Variants in MAP7 observed in about 807,000 individuals in gnomAD.
The protein encoded by MAP7 is microtubule associated protein 7, also known as ensconsin.
Under a neutral mutation model 94.8 loss-of-function variants are expected in MAP7, and 52 were observed. That is an observed-to-expected ratio of 0.55 (90% CI 0.44 to 0.69). The LOEUF (loss-of-function observed/expected upper bound fraction) is 0.69, where lower values mean the gene tolerates loss of function less well. Among genes scored for constraint, MAP7 ranks in the 30% least tolerant of loss-of-function variants. The pLI is 0.00. For missense variants in MAP7, 940 were observed against 964.6 expected (o/e 0.97, Z 0.34); for synonymous variants, 350 against 357.0 (o/e 0.98, Z 0.22).
chr6:136,400,372 C>T (rs1483984719), intron 3 of MAP7, among the ~76,000 whole-genome samples: 12 of 149,558 alleles, frequency 8.0e-5, no homozygotes, highest in Non-Finnish European at 1.2e-4. Flanking sequence ...GCCAAGATTG[C>T]GCTACTGCAC....
intron 1 of MAP7, among the ~76,000 whole-genome samples, chr6:136,423,780 G>A (rs1199176009): frequency 8.7e-5 from 1 of 11,478 alleles, no homozygotes; most frequent in African/African-American, 5.3e-4. Context: ...ACAGGGAGTT[G>A]TGTTTTTTTT....
At position 136,493,444 on chromosome 6, in the gene MAP7, G is replaced by T. The variant is rs191773415; in HGVS notation, c.67+56898C>A. Among the ~76,000 whole-genome samples the T allele has an allele frequency of 1.4e-4, 21 of 150,944 alleles. No individual in the cohort carries two copies. The East Asian group carries it at 3.5e-3, about 25-fold the overall frequency. ...GCTTCTTCTTTCCTTTTTTAAAGAG[G>T]TCTCACTCTGTCCCCTAGGCTGGAG... On this transcript the variant is annotated intron_variant, in intron 1 of 17. Transcript: ENST00000354570.
At position 136,361,098 on chromosome 6, in the gene MAP7, G is replaced by C. The variant is rs150702987; in HGVS notation, c.1608C>G (p.Ala536=). ...GCTCCTCCTTCTCCCGGGCCTGCTC[G>C]GCTTCCAGCCTGCGCGACTCCTCCT... ...RREEESRRLE[A]EQAREKEEQL... The change falls in exon 12 of 18, where the codon GCC becomes GCG. Residue 536 remains alanine, a synonymous_variant. Coordinates refer to ENST00000354570, the MANE Select transcript of MAP7 (RefSeq NM_003980.6). 6.2e-7 allele frequency: 1 copy of C among 1,605,020 alleles called. No individual in the cohort carries two copies. Among genetic ancestry groups the C allele is most frequent in the Non-Finnish European group, 8.5e-7 (1 of 1,179,774 alleles).
In MAP7 at chr6:136,420,175, A is replaced by G; in HGVS notation, c.166+1526T>C. 3 of 968,428 alleles carry G rather than the reference A, an allele frequency of 3.1e-6. No homozygotes were observed. The Admixed American group carries it at 5.1e-5, about 16-fold the overall frequency. 60.0% of individuals were successfully genotyped at this position (968,428 alleles called of 1,614,324 possible). A position where few individuals can be genotyped will look rare whatever the true frequency, so the allele number is the denominator to read the frequency against. The stretch of plus-strand genomic sequence containing the variant: ...TGGCACCATCTTCATTGTTATCTGC[A>G]GTGGGCCCCCAGATGACTGGATCTT... On this transcript the variant is annotated intron_variant, in intron 2 of 17. Transcript: ENST00000354570.
chr6:136,518,441 T>C (rs1825488934), intron 1 of MAP7, among the ~76,000 whole-genome samples: 1 of 152,176 alleles, frequency 6.6e-6, no homozygotes. Flanking sequence ...CTGGTAAACA[T>C]TCAAACAATG....
rs151114243 is a variant in MAP7, at chr6:136,419,500, G to C, written c.166+2201C>G. Among the ~76,000 whole-genome samples, 4 of 152,282 alleles carry C rather than the reference G, an allele frequency of 2.6e-5. No homozygotes were observed. In the East Asian group the frequency reaches 5.8e-4, roughly 22 times the overall value. Reference sequence around the variant, plus strand: ...CACAGTAGGCACTCAACAAATATTTGATTTCCAAAGCATGACCATTCATGC... The same window carrying C: ...CACAGTAGGCACTCAACAAATATTTCATTTCCAAAGCATGACCATTCATGC... On this transcript the variant is annotated intron_variant, in intron 2 of 17. Coordinates refer to ENST00000354570, the MANE Select transcript of MAP7 (RefSeq NM_003980.6).
intron 1 of MAP7, among the ~76,000 whole-genome samples, chr6:136,509,426 G>GT (rs778017115): frequency 2.1e-4 from 31 of 149,422 alleles, no homozygotes; most frequent in Non-Finnish European, 4.4e-4. Flanking sequence ...ATTTTTTTAA[G>GT]TTTTTTTGTA....
chr6:136,453,496 A>G (rs1261206169), intron 1 of MAP7, among the ~76,000 whole-genome samples: 1 of 152,214 alleles, frequency 6.6e-6, no homozygotes, highest in Non-Finnish European at 1.5e-5. Context: ...TTTCCGGACA[A>G]TCTAGTGAAT....
intron 1 of MAP7, among the ~76,000 whole-genome samples, chr6:136,507,475 C>CAAAA (rs10711278): frequency 3.0e-4 from 26 of 87,254 alleles, no homozygotes; most frequent in African/African-American, 8.2e-4. Context: ...AGAAGATTCT[C>CAAAA]AAAAAAAAAA....
At chr6:136,467,575 C>T (rs1807544068) in intron 1 of MAP7, among the ~76,000 whole-genome samples, 5 of 152,262 alleles carry the variant, frequency 3.3e-5, no homozygotes, top group South Asian at 2.1e-4. Context: ...AATATTGGTC[C>T]TCAGAGTTTA....
intron 1 of MAP7, among the ~76,000 whole-genome samples, chr6:136,542,960 A>T (rs1437217915): frequency 6.6e-6 from 1 of 152,192 alleles, no homozygotes; most frequent in African/African-American, 2.4e-5. Context: ...AACTAACGAT[A>T]CTAAGTATTA....
intron 1 of MAP7, among the ~76,000 whole-genome samples, chr6:136,473,375 G>A: frequency 6.6e-6 from 1 of 152,154 alleles, no homozygotes; most frequent in Non-Finnish European, 1.5e-5. Context: ...CAGTGGCACT[G>A]GGATATAATA....
chr6:136,411,534 G>T, intron 3 of MAP7, 86 bp downstream of exon 3: 2 of 1,149,184 alleles, frequency 1.7e-6, no homozygotes, highest in Non-Finnish European at 1.2e-6. Flanking sequence ...TAGTCCATCT[G>T]TAAAATTCAT....
At chr6:136,360,568 G>A (rs1000368295) in intron 13 of MAP7, 129 bp downstream of exon 13, 2 of 741,898 alleles carry the variant, frequency 2.7e-6, no homozygotes, top group African/African-American at 3.5e-5. Flanking sequence ...GCAGGAGATT[G>A]TTATCACTGA....
chr6:136,407,453 C>G (rs1785975132), intron 3 of MAP7, among the ~76,000 whole-genome samples: 1 of 152,148 alleles, frequency 6.6e-6, no homozygotes, highest in Non-Finnish European at 1.5e-5. Flanking sequence ...AGGACTGGCA[C>G]TAATTGTGAT....
At chr6:136,493,349 C>T (rs904552561) in intron 1 of MAP7, among the ~76,000 whole-genome samples, 1 of 152,140 alleles carries the variant, frequency 6.6e-6, no homozygotes, top group African/African-American at 2.4e-5. Context: ...TCTCGAACTC[C>T]TGACCTCAGG....
intron 3 of MAP7, among the ~76,000 whole-genome samples, chr6:136,391,041 T>C (rs1582767616): frequency 6.6e-6 from 1 of 152,322 alleles, no homozygotes; most frequent in East Asian, 1.9e-4. Context: ...AGCTCATTGT[T>C]CTAAGGAAAT....
intron 5 of MAP7, among the ~76,000 whole-genome samples, chr6:136,386,740 T>C (rs1779282182): frequency 6.6e-6 from 1 of 152,214 alleles, no homozygotes; most frequent in Admixed American, 6.5e-5. Context: ...CAGAAGTGCT[T>C]TCATATTTGG....
In MAP7 at chr6:136,421,370, A is replaced by G. The variant is rs188770518; in HGVS notation, c.166+331T>C. Among the ~76,000 whole-genome samples the G allele has an allele frequency of 2.0e-5, 3 of 152,330 alleles. No individual in the cohort carries two copies. The East Asian group carries it at 5.8e-4, about 29-fold the overall frequency. On this transcript the variant is annotated intron_variant, in intron 2 of 17. Transcript: ENST00000354570. The stretch of plus-strand genomic sequence containing the variant: ...TTTGAAACAGAATAGTAAAATTATT[A>G]CCCCTTTAAGCTGCTTGACATTAAA...
Sources: allele counts gnomAD v4.1 joint callset (sites outside exome capture counted in the v4.1 genomes callset), GRCh38; gene constraint gnomAD v4.1.1; transcripts MANE v1.5; gene names NCBI Gene and HGNC (gene_info 2026-07-23, HGNC 2026-07-21).